Variants in DNMBP observed in about 807,000 individuals in gnomAD.
DNMBP encodes the protein dynamin-binding protein.
In DNMBP, 87 loss-of-function variants were observed where a neutral mutation model predicts 150.0. The ratio of observed to expected loss-of-function variants is 0.58; its 90% CI spans 0.49 to 0.69. DNMBP has a LOEUF of 0.69. DNMBP is among the 30% of genes least tolerant of loss of function. DNMBP has a pLI of 0.00. For synonymous variants in DNMBP, 711 were observed against 750.4 expected, an observed-to-expected ratio of 0.95 and a Z score of 0.86; for missense variants, 1,774 against 1,949.0, an observed-to-expected ratio of 0.91 and a Z score of 1.69.
chr10:99,902,586 C>T (rs1324511878), intron 6 of DNMBP, among the ~76,000 whole-genome samples: 2 of 146,418 alleles, frequency 1.4e-5, no homozygotes, highest in East Asian at 2.0e-4. Flanking sequence ...CTGGGATTAC[C>T]GGTGTGAAAC....
intron 1 of DNMBP, among the ~76,000 whole-genome samples, chr10:99,991,961 G>A (rs1456412245): frequency 6.7e-6 from 1 of 150,032 alleles, no homozygotes; most frequent in Non-Finnish European, 1.5e-5. Context: ...AGTTAAGCTG[G>A]GAGCAGTAGC....
chr10:99,913,909 T>C lies in DNMBP; in HGVS notation c.2261-4763A>G, dbSNP rs2039931700. On this transcript the variant is annotated intron_variant, in intron 4 of 16. Transcript: ENST00000324109. ...CTTGAACAGGGACGAAGAGGCTGCC[T>C]GTTCCACTTCCTTCTGTGCTGGCTC... The C allele has an allele frequency of 4.6e-6, 6 of 1,294,828 alleles. No homozygotes were observed. In the South Asian group the frequency reaches 1.0e-4, roughly 22 times the overall value. 80.2% of individuals were successfully genotyped at this position (1,294,828 alleles called of 1,614,324 possible). A position where few individuals can be genotyped will look rare whatever the true frequency, so the allele number is the denominator to read the frequency against.
intron 10 of DNMBP, 60 bp downstream of exon 10, chr10:99,896,207 C>T: frequency 6.3e-7 from 1 of 1,583,754 alleles, no homozygotes; most frequent in Admixed American, 1.7e-5. Flanking sequence ...GGCAGGCTGT[C>T]TCATGGAGCC....
rs770381886 is a variant in DNMBP at position 99,880,071 on chromosome 10, T to C, written c.4288A>G (p.Ser1430Gly). ...GGGTCTGAAGGGCATCTGGAAGGAC[T>C]ACTCTCTGAATTACTCGGATTTAGG... ...ASLNPSNSES[S>G]PSRCPSDPDS... Residue 1430 changes from serine (S) to glycine (G), a missense_variant, in exon 16 of 17, where the codon AGT becomes GGT. Ser to Gly is a moderately conservative substitution (Grantham distance 56). Coordinates refer to ENST00000324109, the MANE Select transcript of DNMBP (RefSeq NM_015221.4). 3.1e-6 allele frequency: 5 copies of C among 1,614,202 alleles called. No individual in the cohort carries two copies. The South Asian group carries it at 4.4e-5, about 14-fold the overall frequency.
intron 8 of DNMBP, 78 bp from the exon 9 acceptor site, chr10:99,898,363 C>T: frequency 1.5e-6 from 2 of 1,297,790 alleles, no homozygotes; most frequent in South Asian, 1.2e-5. Flanking sequence ...GAGACCCCAC[C>T]TTAAAAAAAA....
Position 99,885,725 on chromosome 10 carries a change from T to A in DNMBP, c.3760A>T (p.Ile1254Phe), listed in dbSNP as rs965400801. 6.3e-7 allele frequency: 1 copy of A among 1,588,552 alleles called. No homozygotes were observed. Among genetic ancestry groups the A allele is most frequent in the Non-Finnish European group, 8.6e-7 (1 of 1,165,414 alleles). The change falls in exon 14 of 17, where the codon ATT becomes TTT. Residue 1254 changes from isoleucine to phenylalanine, a missense_variant. Around this residue, in one of 2 missense-constraint regions of DNMBP, gnomAD observed 1,430 missense variants for 1,492.5 expected, o/e 0.96. Transcript: ENST00000324109. ...GGCTTTCGAGCAGACTGGCGGTCAA[T>A]GGTTTTCCTCTCAAATGGCTTCTTG... ...ATKKPFERKT[I>F]DRQSARKPLL...
intron 1 of DNMBP, among the ~76,000 whole-genome samples, chr10:99,982,881 T>C (rs542104558): frequency 3.3e-4 from 50 of 152,078 alleles, no homozygotes; most frequent in African/African-American, 1.2e-3. Context: ...TGAGGTGGCA[T>C]TGCTTGAACC....
chr10:99,933,605 A>ACG (rs1411216580), intron 4 of DNMBP, among the ~76,000 whole-genome samples: 1 of 152,220 alleles, frequency 6.6e-6, no homozygotes, highest in Admixed American at 6.5e-5. Context: ...GAGTTATGGC[A>ACG]CGCTTTTATT....
intron 1 of DNMBP, among the ~76,000 whole-genome samples, chr10:100,006,589 C>G (rs891491502): frequency 2.3e-4 from 35 of 152,162 alleles, no homozygotes; most frequent in African/African-American, 8.2e-4. Flanking sequence ...TCTCCAACGG[C>G]TTCCCCCTCA....
intron 11 of DNMBP, 200 bp from the exon 12 acceptor site, chr10:99,889,153 T>C: frequency 7.2e-6 from 4 of 552,574 alleles, no homozygotes; most frequent in South Asian, 2.5e-5. Context: ...CTAAGACTTT[T>C]AATTCTTAAC....
intron 4 of DNMBP, among the ~76,000 whole-genome samples, 168 bp downstream of exon 4, chr10:99,955,046 G>A (rs558531240): frequency 7.4e-6 from 1 of 136,022 alleles, no homozygotes; most frequent in Non-Finnish European, 1.6e-5. Context: ...GAGCGAGACT[G>A]TCTCAAAAAA....
intron 2 of DNMBP, among the ~76,000 whole-genome samples, chr10:99,971,541 G>A (rs1344387381): frequency 6.6e-6 from 1 of 150,934 alleles, no homozygotes. Flanking sequence ...CTTATTTAGA[G>A]ACAGAGTTTC....
rs1325506990 is a variant in DNMBP, at chr10:99,955,896, A to G, written c.1578T>C (p.Gly526=). The G allele has an allele frequency of 6.2e-7, 1 of 1,614,104 alleles. No individual in the cohort carries two copies. The highest frequency in any genetic ancestry group is 8.5e-7 in the Non-Finnish European group (1 of 1,180,016). The change falls in exon 4 of 17, where the codon GGT becomes GGC. Residue 526 remains glycine, a synonymous_variant. Coordinates refer to ENST00000324109, the MANE Select transcript of DNMBP (RefSeq NM_015221.4). The stretch of plus-strand genomic sequence containing the variant: ...CCATAACAAGCCCTTGGGCTTGCGG[A>G]CCAGGCTTCATCTCCAATCTCTCTG... ...SISERLEMKP[G]PQAQGLVMEA...
At chr10:99,901,494 A>G (rs905824776) in intron 6 of DNMBP, among the ~76,000 whole-genome samples, 2 of 152,072 alleles carry the variant, frequency 1.3e-5, no homozygotes, top group Admixed American at 6.6e-5. Flanking sequence ...AAAAACTAGT[A>G]AAAAAAATAA....
chr10:99,921,052 A>G (rs2040017422), intron 4 of DNMBP, among the ~76,000 whole-genome samples: 1 of 152,176 alleles, frequency 6.6e-6, no homozygotes, highest in Non-Finnish European at 1.5e-5. Context: ...CCAGTTCCGC[A>G]AGGAACATCA....
chr10:99,880,154 T>C lies in DNMBP; in HGVS notation c.4205A>G (p.Gln1402Arg), dbSNP rs946027130. 1.9e-6 allele frequency: 3 copies of C among 1,614,190 alleles called. No individual in the cohort carries two copies. The highest frequency in any genetic ancestry group is 2.5e-6 in the Non-Finnish European group (3 of 1,180,038). The change falls in exon 16 of 17, where the codon CAG becomes CGG. Residue 1402 changes from glutamine (Q) to arginine (R), a missense_variant. Around this residue, in one of 2 missense-constraint regions of DNMBP, gnomAD observed 1,430 missense variants for 1,492.5 expected, o/e 0.96. Transcript: ENST00000324109. ...TGGCGGAGGAGATGCATCTTGAGGC[T>C]GCTTCTGGCAAGACCCCGAGGTAAA... is the stretch of plus-strand genomic sequence containing the variant. ...VSFTSGSCQK[Q>R]PQDASPPPKE...
chr10:99,904,709 T>C (rs1589409603), intron 6 of DNMBP, among the ~76,000 whole-genome samples: 1 of 152,184 alleles, frequency 6.6e-6, no homozygotes, highest in East Asian at 1.9e-4. Flanking sequence ...CACCTCTGTG[T>C]GTCTTCAACA....
At position 99,956,559 on chromosome 10, in the gene DNMBP, C is replaced by T; in HGVS notation, c.915G>A (p.Val305=). The T allele has an allele frequency of 6.2e-7, 1 of 1,614,154 alleles. No individual in the cohort carries two copies. The highest frequency in any genetic ancestry group is 8.5e-7 in the Non-Finnish European group (1 of 1,180,032). The stretch of plus-strand genomic sequence containing the variant: ...CCTGGGGCAGAGCCATGGTTTCCTC[C>T]ACCCGTGTGTCAGGACATAATTTCA... ...RFVKLCPDTR[V]EETMALPQEG... Residue 305 remains valine, a synonymous_variant, in exon 4 of 17, where the codon GTG becomes GTA. Transcript: ENST00000324109.
In DNMBP at chr10:99,915,646, T is replaced by C. The variant is rs539696264; in HGVS notation, c.2261-6500A>G. Among the ~76,000 whole-genome samples, 104 of 152,206 alleles carry C rather than the reference T, an allele frequency of 6.8e-4. 1 individual carries two copies. The highest frequency in any genetic ancestry group is 1.4e-3 in the Non-Finnish European group (92 of 68,000). ...GGGAGGATCACCTGGGCCTTCGAGG[T>C]TGAGGTTGCAGTGATCTGTGATAGC... On this transcript the variant is annotated intron_variant, in intron 4 of 16. Transcript: ENST00000324109.
Sources: allele counts gnomAD v4.1 joint callset (sites outside exome capture counted in the v4.1 genomes callset), GRCh38; gene constraint gnomAD v4.1.1; regional missense constraint gnomAD v4.1.1; transcripts MANE v1.5; gene names NCBI Gene and HGNC (gene_info 2026-07-23, HGNC 2026-07-21).